DTNA: variants seen among roughly 807,000 people sequenced by gnomAD.
DTNA encodes dystrophin-related protein 3.
Under a neutral mutation model 100.7 loss-of-function variants are expected in DTNA, and 43 were observed. That is an observed-to-expected ratio of 0.43 (90% CI 0.33 to 0.55). The LOEUF (loss-of-function observed/expected upper bound fraction) is 0.55, where lower values mean the gene tolerates loss of function less well. DTNA is among the 20% of genes least tolerant of loss of function. The pLI, the probability that DTNA is intolerant of heterozygous loss-of-function variation, is 0.04. For synonymous variants in DTNA, 349 were observed against 347.9 expected (o/e 1.00, Z -0.04); for missense variants, 798 against 953.9 (o/e 0.84, Z 2.15).
At chr18:34,586,418 T>TG (rs5823946) in intron 1 of DTNA, among the ~76,000 whole-genome samples, 15,626 of 152,068 alleles carry the variant, frequency 0.1, 1,163 homozygotes, top group African/African-American at 0.21. Flanking sequence ...TTTTTGTTTT[T>TG]TTTTGCATGG....
At chr18:34,670,502 T>G (rs1423585022) in intron 1 of DTNA, among the ~76,000 whole-genome samples, 1 of 152,216 alleles carries the variant, frequency 6.6e-6, no homozygotes, top group Non-Finnish European at 1.5e-5. Context: ...GGTTCTCTGA[T>G]TTTTAGAATT....
intron 1 of DTNA, among the ~76,000 whole-genome samples, chr18:34,690,058 C>G (rs1406691271): frequency 6.6e-6 from 1 of 152,204 alleles, no homozygotes; most frequent in Admixed American, 6.5e-5. Flanking sequence ...AATTTCAAGC[C>G]AGTGGATCTT....
At chr18:34,688,328 G>T (rs1449705922) in intron 1 of DTNA, among the ~76,000 whole-genome samples, 1 of 152,100 alleles carries the variant, frequency 6.6e-6, no homozygotes, top group Non-Finnish European at 1.5e-5. Context: ...CTCTTGTAAG[G>T]CAGGCCTGAT....
chr18:34,731,209 G>A (rs1253790235), intron 1 of DTNA, among the ~76,000 whole-genome samples: 1 of 152,220 alleles, frequency 6.6e-6, no homozygotes, highest in Non-Finnish European at 1.5e-5. Flanking sequence ...GCCGGGCGCG[G>A]TGGCTCACGC....
chr18:34,861,394 G>A (rs2150109351), intron 16 of DTNA, among the ~76,000 whole-genome samples: 1 of 150,502 alleles, frequency 6.6e-6, no homozygotes, highest in South Asian at 2.1e-4. Flanking sequence ...GCTGAGACAG[G>A]AGAATGGCGT....
At chr18:34,782,985 A>G (rs532012710) in intron 3 of DTNA, among the ~76,000 whole-genome samples, 7 of 152,202 alleles carry the variant, frequency 4.6e-5, no homozygotes, top group Non-Finnish European at 1.0e-4. Context: ...TAAAGATGTG[A>G]GCTCTAAAAG....
chr18:34,602,999 T>C (rs2052266819), intron 1 of DTNA, among the ~76,000 whole-genome samples: 1 of 150,578 alleles, frequency 6.6e-6, no homozygotes, highest in Admixed American at 6.6e-5. Flanking sequence ...TGAGACTCCC[T>C]CTCAAAAAAA....
chr18:34,557,076 C>CT (rs1239600201), intron 1 of DTNA, among the ~76,000 whole-genome samples: 1 of 150,924 alleles, frequency 6.6e-6, no homozygotes, highest in Non-Finnish European at 1.5e-5. Flanking sequence ...ATTTCTTATT[C>CT]TTTTTTCTCT....
At chr18:34,886,972 C>A (rs1461605314) in intron 22 of DTNA, among the ~76,000 whole-genome samples, 1 of 152,056 alleles carries the variant, frequency 6.6e-6, no homozygotes, top group Non-Finnish European at 1.5e-5. Context: ...ACTGCAAGAC[C>A]AGAAATTATC....
chr18:34,827,685 C>T lies in DTNA; in HGVS notation c.1085+9C>T, dbSNP rs759096862. The stretch of plus-strand genomic sequence containing the variant: ...CCTTTTATTACCAGGAGGTAAGTTC[C>T]AACCCTATTATAAAATAAGCCCTTT... On this transcript the variant is annotated intron_variant, in intron 10 of 22. Coordinates refer to ENST00000444659, the MANE Select transcript of DTNA (RefSeq NM_001386795.1). The T allele has an allele frequency of 2.5e-6, 4 of 1,612,014 alleles. No individual in the cohort carries two copies. In the Admixed American group the frequency reaches 6.7e-5, roughly 27 times the overall value.
chr18:34,861,944 G>A (rs1432863812), intron 16 of DTNA, among the ~76,000 whole-genome samples: 2 of 152,064 alleles, frequency 1.3e-5, no homozygotes, highest in Non-Finnish European at 2.9e-5. Context: ...TTCTCTTAGT[G>A]TTTCTCACCT....
chr18:34,520,008 A>G (rs975967656), intron 1 of DTNA, among the ~76,000 whole-genome samples: 1 of 152,190 alleles, frequency 6.6e-6, no homozygotes, highest in African/African-American at 2.4e-5. Context: ...GTACAGTTCT[A>G]GAAGAAGCTG....
intron 9 of DTNA, among the ~76,000 whole-genome samples, chr18:34,824,439 G>T (rs533467723): frequency 6.6e-6 from 1 of 151,000 alleles, no homozygotes; most frequent in Admixed American, 6.6e-5. Flanking sequence ...TCGCGCCACC[G>T]CACTCCAGCC....
chr18:34,674,361 C>T (rs1450521467), intron 1 of DTNA, among the ~76,000 whole-genome samples: 1 of 152,208 alleles, frequency 6.6e-6, no homozygotes, highest in Non-Finnish European at 1.5e-5. Flanking sequence ...TCCTGCCTCT[C>T]ATACTGTGCT....
chr18:34,526,018 A>C (rs1329961729), intron 1 of DTNA, among the ~76,000 whole-genome samples: 1 of 151,998 alleles, frequency 6.6e-6, no homozygotes, highest in African/African-American at 2.4e-5. Context: ...TGAACTCACC[A>C]CTCTTTCGGA....
intron 1 of DTNA, among the ~76,000 whole-genome samples, chr18:34,712,253 C>T (rs1346589204): frequency 2.6e-5 from 4 of 151,846 alleles, no homozygotes; most frequent in East Asian, 1.9e-4. Context: ...TCTTTCCCGC[C>T]GGTACTGGAA....
intron 1 of DTNA, among the ~76,000 whole-genome samples, chr18:34,661,750 C>G (rs1026148369): frequency 1.3e-5 from 2 of 152,172 alleles, no homozygotes; most frequent in South Asian, 2.1e-4. Flanking sequence ...GGAGAGGTGA[C>G]AGAGTTAAGT....
chr18:34,528,550 A>G (rs2042859018), intron 1 of DTNA, among the ~76,000 whole-genome samples: 8 of 152,064 alleles, frequency 5.3e-5, no homozygotes. Context: ...TACTCCGGAT[A>G]ACTGCGAGTG....
chr18:34,759,528 GA>G (rs2093000264), intron 2 of DTNA, among the ~76,000 whole-genome samples: 1 of 152,166 alleles, frequency 6.6e-6, no homozygotes, highest in South Asian at 2.1e-4. Context: ...GAAGTGATTG[GA>G]AAACACACTT....
Sources: allele counts gnomAD v4.1 joint callset (sites outside exome capture counted in the v4.1 genomes callset), GRCh38; gene constraint gnomAD v4.1.1; transcripts MANE v1.5; gene names NCBI Gene and HGNC (gene_info 2026-07-23, HGNC 2026-07-21).